Variants in PAPSS1 observed in about 807,000 individuals in gnomAD.
The protein encoded by PAPSS1 is 3'-phosphoadenosine 5'-phosphosulfate synthase 1, also known as bifunctional 3'-phosphoadenosine 5'-phosphosulfate synthase 1.
A neutral mutation model predicts 72.0 loss-of-function variants in PAPSS1; 50 were observed. That is an observed-to-expected ratio of 0.69 (90% CI 0.55 to 0.88). The LOEUF is 0.88. Among genes scored for constraint, PAPSS1 ranks in the 40% least tolerant of loss-of-function variants. The probability of loss-of-function intolerance (pLI) is 0.00; values close to 1 mark genes in which losing one functional copy is unlikely to be tolerated. For missense variants in PAPSS1, 657 were observed against 782.2 expected, an observed-to-expected ratio of 0.84 and a Z score of 1.91; for synonymous variants, 261 against 263.6, an observed-to-expected ratio of 0.99 and a Z score of 0.09.
chr4:107,641,432 G>T (rs4956114), intron 10 of PAPSS1, among the ~76,000 whole-genome samples: 34,131 of 151,966 alleles, frequency 0.22, 3,872 homozygotes, highest in East Asian at 0.37. Context: ...TATACTGAGG[G>T]CTTTATTCTC....
intron 2 of PAPSS1, among the ~76,000 whole-genome samples, chr4:107,696,968 A>T (rs2125935003): frequency 6.6e-6 from 1 of 152,350 alleles, no homozygotes. Flanking sequence ...ACTTACCTGC[A>T]GCCAAAAGAA....
chr4:107,657,102 GAAAC>G lies in PAPSS1; in HGVS notation c.784-99_784-96del, dbSNP rs1425842217. The G allele has an allele frequency of 3.9e-5, 31 of 789,674 alleles. No homozygotes were observed. In the East Asian group the frequency reaches 4.4e-4, roughly 11 times the overall value. 48.9% of individuals were successfully genotyped at this position (789,674 alleles called of 1,614,324 possible). A position where few individuals can be genotyped will look rare whatever the true frequency, so the allele number is the denominator to read the frequency against. ...TAGGAATTTAATTTTGAAAGCAATG[GAAAC>G]AAACAGTGTAAGGATGAGTATAGAT... On this transcript the variant is annotated intron_variant, in intron 6 of 11. Transcript: ENST00000265174.
intron 10 of PAPSS1, among the ~76,000 whole-genome samples, chr4:107,637,568 T>A (rs903309390): frequency 6.6e-6 from 1 of 152,208 alleles, no homozygotes; most frequent in African/African-American, 2.4e-5. Context: ...TTAAAAATAC[T>A]GAGAATAATG....
At chr4:107,655,362 T>A (rs889939928) in intron 7 of PAPSS1, among the ~76,000 whole-genome samples, 2 of 152,180 alleles carry the variant, frequency 1.3e-5, no homozygotes, top group Non-Finnish European at 2.9e-5. Context: ...ATGTGGCAAG[T>A]TGATTAAGTA....
In PAPSS1 at chr4:107,664,988, C is replaced by T. The variant is rs573965160; in HGVS notation, c.670-4916G>A. On this transcript the variant is annotated intron_variant, in intron 5 of 11. Transcript: ENST00000265174. ...AACAATATTTTTAAATGGATTTTAG[C>T]CTCACAACTTCAATACAAAATTCTT... Among the ~76,000 whole-genome samples the T allele has an allele frequency of 1.2e-3, 181 of 152,230 alleles. 1 individual carries two copies. The highest frequency in any genetic ancestry group is 2.2e-3 in the Non-Finnish European group (151 of 68,008).
rs574210354 is a variant in PAPSS1 at position 107,644,971 on chromosome 4, C to T, written c.1337G>A (p.Arg446His). 19 of 1,613,706 alleles carry T rather than the reference C, an allele frequency of 1.2e-5. No homozygotes were observed. The highest frequency in any genetic ancestry group is 9.3e-5 in the African/African-American group (7 of 75,034). ...HKQLLERGYR[R>H]PVLLLHPLGG... The stretch of plus-strand genomic sequence containing the variant: ...CAGAGGGTGGAGGAGGAGGACAGGG[C>T]GCCGGTAGCCCCTCTCTAGAAGTTG... Residue 446 changes from arginine to histidine, a missense_variant, in exon 10 of 12, where the codon CGC (arginine) becomes CAC (histidine). By Grantham distance (29) the Arg-to-His change is conservative. Transcript: ENST00000265174.
chr4:107,662,503 A>G (rs773056451), intron 5 of PAPSS1, among the ~76,000 whole-genome samples: 1 of 152,232 alleles, frequency 6.6e-6, no homozygotes, highest in South Asian at 2.1e-4. Flanking sequence ...AACCCACACT[A>G]AAGAGGGCAT....
chr4:107,681,531 C>T (rs900449619), intron 5 of PAPSS1, among the ~76,000 whole-genome samples: 4 of 152,176 alleles, frequency 2.6e-5, no homozygotes, highest in Admixed American at 6.5e-5. Context: ...TATGCCCAGG[C>T]ACCCAAAGGT....
chr4:107,708,184 T>C (rs1439261997), intron 1 of PAPSS1, among the ~76,000 whole-genome samples: 1 of 152,240 alleles, frequency 6.6e-6, no homozygotes, highest in Non-Finnish European at 1.5e-5. Context: ...TTACAAAAAA[T>C]TGTAATGAGT....
At chr4:107,705,550 T>C (rs1033430292) in intron 1 of PAPSS1, among the ~76,000 whole-genome samples, 6 of 152,246 alleles carry the variant, frequency 3.9e-5, no homozygotes, top group African/African-American at 1.4e-4. Flanking sequence ...TTACCTGGTC[T>C]TAGAGAGTTC....
intron 11 of PAPSS1, among the ~76,000 whole-genome samples, chr4:107,624,482 C>A (rs766525124): frequency 1.3e-5 from 2 of 151,938 alleles, no homozygotes; most frequent in African/African-American, 2.4e-5. Flanking sequence ...AAACTATTTG[C>A]AAATAGTAAA....
chr4:107,658,297 A>C (rs1002458722), intron 6 of PAPSS1, among the ~76,000 whole-genome samples: 7 of 151,364 alleles, frequency 4.6e-5, no homozygotes, highest in Non-Finnish European at 1.0e-4. Flanking sequence ...TTAGGAAAAA[A>C]AAAAAAAAAG....
At chr4:107,636,577 C>T (rs1651772414) in intron 10 of PAPSS1, among the ~76,000 whole-genome samples, 1 of 152,148 alleles carries the variant, frequency 6.6e-6, no homozygotes, top group Admixed American at 6.5e-5. Flanking sequence ...GGGTAACACT[C>T]TGGAGTGTAA....
At chr4:107,714,359 A>C (rs759748723) in intron 1 of PAPSS1, among the ~76,000 whole-genome samples, 1 of 152,210 alleles carries the variant, frequency 6.6e-6, no homozygotes, top group African/African-American at 2.4e-5. Flanking sequence ...CCACTGCAGA[A>C]GTCTCTATAG....
chr4:107,614,413 T>G (rs1725767213), intron 11 of PAPSS1, 26 bp from the exon 12 acceptor site: 1 of 1,572,526 alleles, frequency 6.4e-7, no homozygotes, highest in South Asian at 1.2e-5. Context: ...AAAAGAAAAT[T>G]ATTTCATAAT....
intron 3 of PAPSS1, among the ~76,000 whole-genome samples, chr4:107,691,951 T>G (rs1438321585): frequency 2.3e-5 from 3 of 132,006 alleles, no homozygotes; most frequent in African/African-American, 8.2e-5. Flanking sequence ...GGGAAAGGAT[T>G]CTCTATTTAA....
chr4:107,672,196 C>A (rs747353052), intron 5 of PAPSS1, among the ~76,000 whole-genome samples: 1 of 152,172 alleles, frequency 6.6e-6, no homozygotes, highest in Admixed American at 6.5e-5. Flanking sequence ...GCGCATCTCA[C>A]TGGGGAGTGT....
chr4:107,685,061 A>G (rs1722742395), intron 4 of PAPSS1, among the ~76,000 whole-genome samples: 1 of 152,190 alleles, frequency 6.6e-6, no homozygotes, highest in Non-Finnish European at 1.5e-5. Context: ...GCCCGCCACC[A>G]TGCTGACTAA....
chr4:107,668,683 T>C (rs560568767), intron 5 of PAPSS1, among the ~76,000 whole-genome samples: 1 of 152,186 alleles, frequency 6.6e-6, no homozygotes, highest in East Asian at 1.9e-4. Context: ...AGTTCTTCAG[T>C]TTTGGAACTC....
Sources: gnomAD v4.1 joint callset for allele counts (sites outside exome capture counted in the v4.1 genomes callset) on GRCh38, gnomAD v4.1.1 for gene constraint, MANE v1.5 for transcripts, NCBI Gene and HGNC (gene_info 2026-07-23, HGNC 2026-07-21) for gene names.